Variants in GABRB1 observed in about 807,000 individuals in gnomAD.
GABRB1 encodes gamma-aminobutyric acid receptor subunit beta-1.
In GABRB1, 17 loss-of-function variants were observed where a neutral mutation model predicts 51.6. The ratio of observed to expected loss-of-function variants is 0.33; its 90% CI spans 0.23 to 0.49. The LOEUF (loss-of-function observed/expected upper bound fraction) is 0.49, where lower values mean the gene tolerates loss of function less well. Ranked by LOEUF, GABRB1 falls within the 20% of genes least tolerant of loss-of-function variation. The pLI, the probability that GABRB1 is intolerant of heterozygous loss-of-function variation, is 0.99. For missense variants in GABRB1, 410 were observed against 600.6 expected (o/e 0.68, Z 3.32); for synonymous variants, 247 against 218.9 (o/e 1.13, Z -1.14).
chr4:47,230,497 G>A (rs1360968023), intron 4 of GABRB1, among the ~76,000 whole-genome samples: 2 of 152,118 alleles, frequency 1.3e-5, no homozygotes, highest in Non-Finnish European at 1.5e-5. Flanking sequence ...TGGCCCCCTT[G>A]GAAGGGCTAA....
At position 47,426,446 on chromosome 4, in the gene GABRB1, A is replaced by C. The variant is rs1729302905; in HGVS notation, c.*428A>C. ...ATGCTGCCAAAAAAAAAAAAAAAAA[A>C]ACATAAAAAAAAACACACAATTTCC... On this transcript the variant is annotated 3_prime_UTR_variant, in exon 9 of 9. Coordinates refer to ENST00000295454, the MANE Select transcript of GABRB1 (RefSeq NM_000812.4). 6.6e-6 allele frequency: 1 copy of C among 150,642 alleles called. No homozygotes were observed. Among genetic ancestry groups the C allele is most frequent in the African/African-American group, 2.5e-5 (1 of 40,346 alleles). 9.3% of individuals were successfully genotyped at this position (150,642 alleles called of 1,614,324 possible).
intron 3 of GABRB1, among the ~76,000 whole-genome samples, chr4:47,160,682 C>T (rs781763154): frequency 2.0e-5 from 3 of 151,956 alleles, no homozygotes; most frequent in Non-Finnish European, 4.4e-5. Flanking sequence ...CTTTAAAATT[C>T]AATTACATCT....
chr4:47,215,007 G>A (rs1233338820), intron 4 of GABRB1, among the ~76,000 whole-genome samples: 1 of 152,048 alleles, frequency 6.6e-6, no homozygotes, highest in Non-Finnish European at 1.5e-5. Context: ...TAATAGGTTT[G>A]TTGGGATGTA....
At chr4:47,300,879 C>T (rs73247697) in intron 4 of GABRB1, among the ~76,000 whole-genome samples, 218 of 152,216 alleles carry the variant, frequency 1.4e-3, no homozygotes, top group Middle Eastern at 3.4e-3. Flanking sequence ...CAGATACATA[C>T]ATATGTATAT....
At chr4:47,218,897 A>G (rs181122404) in intron 4 of GABRB1, among the ~76,000 whole-genome samples, 37 of 151,972 alleles carry the variant, frequency 2.4e-4, no homozygotes, top group African/African-American at 8.2e-4. Flanking sequence ...TACATCTAAG[A>G]ATACATAGGC....
intron 7 of GABRB1, 100 bp downstream of exon 7, chr4:47,403,811 A>G (rs1243366775): frequency 2.0e-5 from 22 of 1,125,892 alleles, no homozygotes; most frequent in Non-Finnish European, 2.7e-5. Context: ...TAGCAAGCCA[A>G]AGAATTAGAT....
rs143278297 is a variant in GABRB1, at chr4:47,375,877, G to A, written c.545-27441G>A. On this transcript the variant is annotated intron_variant, in intron 5 of 8. Coordinates refer to ENST00000295454, the MANE Select transcript of GABRB1 (RefSeq NM_000812.4). Reference sequence around the variant, plus strand: ...GGATAACTCCCAAAGGTGACTGGGCGGATGATAGATCCATGAGCTGGGAGC... The same window carrying A: ...GGATAACTCCCAAAGGTGACTGGGCAGATGATAGATCCATGAGCTGGGAGC... Among the ~76,000 whole-genome samples the A allele has an allele frequency of 3.6e-4, 55 of 152,270 alleles. No homozygotes were observed. In the East Asian group the frequency reaches 9.3e-3, roughly 26 times the overall value.
chr4:47,192,279 T>C (rs1189519608), intron 4 of GABRB1, among the ~76,000 whole-genome samples: 4 of 152,136 alleles, frequency 2.6e-5, no homozygotes, highest in Non-Finnish European at 5.9e-5. Context: ...TCAGCACCAA[T>C]GCTGATGATT....
intron 4 of GABRB1, among the ~76,000 whole-genome samples, chr4:47,197,931 T>C (rs1719751215): frequency 6.6e-6 from 1 of 152,204 alleles, no homozygotes; most frequent in Non-Finnish European, 1.5e-5. Flanking sequence ...CTTCCCAGTA[T>C]AAAATGCCAC....
At chr4:47,239,485 A>C (rs1450147703) in intron 4 of GABRB1, among the ~76,000 whole-genome samples, 1 of 152,134 alleles carries the variant, frequency 6.6e-6, no homozygotes, top group African/African-American at 2.4e-5. Context: ...TTTTTAGAGA[A>C]AAAAATGTAT....
rs907210742 is a variant in GABRB1, at chr4:47,079,999, A to T, written c.240+47515A>T. Among the ~76,000 whole-genome samples, 10 of 149,046 alleles carry T rather than the reference A, an allele frequency of 6.7e-5. No individual in the cohort carries two copies. In the East Asian group the frequency reaches 7.7e-4, roughly 12 times the overall value. The stretch of plus-strand genomic sequence containing the variant: ...TGTACCCTAAAACTTAAAGAATAAT[A>T]AAAAAAAAGAAATATAAAAAAAACT... On this transcript the variant is annotated intron_variant, in intron 3 of 8. Transcript: ENST00000295454.
chr4:47,162,655 T>C (rs1718013510), intron 4 of GABRB1, among the ~76,000 whole-genome samples: 1 of 152,034 alleles, frequency 6.6e-6, no homozygotes, highest in South Asian at 2.1e-4. Flanking sequence ...GTACCTTATA[T>C]AAGGGAATAA....
chr4:47,028,258 G>A (rs147870546), upstream of GABRB1, among the ~76,000 whole-genome samples: 451 of 151,634 alleles, frequency 3.0e-3, 1 homozygote, highest in Non-Finnish European at 5.4e-3. Context: ...GATATGTTAC[G>A]TGAAATAAGC....
chr4:47,162,392 A>T (rs1435343578), intron 4 of GABRB1, among the ~76,000 whole-genome samples: 2 of 152,016 alleles, frequency 1.3e-5, no homozygotes, highest in Non-Finnish European at 2.9e-5. Context: ...CAACCATGAC[A>T]TGTGTAAGTA....
At chr4:47,351,354 A>C (rs1235377098) in intron 5 of GABRB1, among the ~76,000 whole-genome samples, 1 of 152,194 alleles carries the variant, frequency 6.6e-6, no homozygotes, top group Non-Finnish European at 1.5e-5. Context: ...CCAAATTAAA[A>C]GCCAAGACAA....
At chr4:47,261,031 G>A (rs1272357540) in intron 4 of GABRB1, among the ~76,000 whole-genome samples, 2 of 152,088 alleles carry the variant, frequency 1.3e-5, no homozygotes, top group African/African-American at 2.4e-5. Flanking sequence ...AAGAAATTAG[G>A]TATTGATGGG....
At chr4:47,073,568 A>G (rs1727429914) in intron 3 of GABRB1, among the ~76,000 whole-genome samples, 1 of 152,124 alleles carries the variant, frequency 6.6e-6, no homozygotes. Context: ...CTTCAGGATG[A>G]CTCAAACCAA....
At chr4:47,161,000 G>A (rs994831859) in intron 3 of GABRB1, among the ~76,000 whole-genome samples, 10 of 151,618 alleles carry the variant, frequency 6.6e-5, no homozygotes, top group Admixed American at 2.6e-4. Context: ...ATAACGTTCC[G>A]TAGGCTGGTC....
chr4:47,064,322 T>C (rs1345731587), intron 3 of GABRB1, among the ~76,000 whole-genome samples: 1 of 152,168 alleles, frequency 6.6e-6, no homozygotes. Flanking sequence ...TCTTCTCTTC[T>C]TTACCTTATT....
Sources: gnomAD v4.1 joint callset for allele counts (sites outside exome capture counted in the v4.1 genomes callset) on GRCh38, gnomAD v4.1.1 for gene constraint, MANE v1.5 for transcripts, NCBI Gene and HGNC (gene_info 2026-07-23, HGNC 2026-07-21) for gene names.